CRYBG3: variants seen among roughly 807,000 people sequenced by gnomAD.
CRYBG3 encodes the protein crystallin beta-gamma domain containing 3, also known as very large A-kinase anchor protein.
CRYBG3 carries 127 observed loss-of-function variants against 244.2 expected under a neutral mutation model. The observed-to-expected ratio is 0.52, with a 90% confidence interval of 0.45 to 0.60. CRYBG3 has a LOEUF of 0.60. CRYBG3 is among the 20% of genes least tolerant of loss of function. The pLI is 0.00. For synonymous variants in CRYBG3, 1,132 were observed against 1,195.8 expected, an observed-to-expected ratio of 0.95 and a Z score of 1.10; for missense variants, 3,325 against 3,442.5, an observed-to-expected ratio of 0.97 and a Z score of 0.85.
chr3:97,909,402 G>C, intron 15 of CRYBG3, among the ~76,000 whole-genome samples: 1 of 148,842 alleles, frequency 6.7e-6, no homozygotes. Flanking sequence ...ACATAGATTT[G>C]GTCTTTTCAC....
chr3:97,895,504 G>A (rs553647439), intron 11 of CRYBG3, among the ~76,000 whole-genome samples: 22 of 152,146 alleles, frequency 1.4e-4, no homozygotes, highest in African/African-American at 4.8e-4. Context: ...TGACAGATTC[G>A]CTTTATTTAA....
intron 2 of CRYBG3, among the ~76,000 whole-genome samples, chr3:97,854,800 A>G (rs1474806368): frequency 6.6e-6 from 1 of 152,074 alleles, no homozygotes; most frequent in East Asian, 1.9e-4. Flanking sequence ...TCATCAGCCA[A>G]CAGTGACAGT....
chr3:97,892,678 C>G (rs1362217597), intron 10 of CRYBG3, among the ~76,000 whole-genome samples, 182 bp from the exon 11 acceptor site: 2 of 151,868 alleles, frequency 1.3e-5, no homozygotes, highest in Non-Finnish European at 2.9e-5. Context: ...GATTTTGGTG[C>G]AAAAAATTTT....
intron 2 of CRYBG3, among the ~76,000 whole-genome samples, chr3:97,859,789 T>G (rs968094939): frequency 1.3e-5 from 2 of 152,316 alleles, no homozygotes; most frequent in East Asian, 3.9e-4. Flanking sequence ...TTACAGAATT[T>G]ATAAGGCTTT....
intron 12 of CRYBG3, 40 bp from the exon 13 acceptor site, chr3:97,898,843 A>G (rs2039670153): frequency 6.9e-7 from 1 of 1,441,078 alleles, no homozygotes; most frequent in Non-Finnish European, 9.5e-7. Context: ...ATAAAACAGA[A>G]TATGTATGTT....
At chr3:97,825,459 C>T (rs906337239) in intron 1 of CRYBG3, among the ~76,000 whole-genome samples, 21 of 152,188 alleles carry the variant, frequency 1.4e-4, no homozygotes, top group Non-Finnish European at 2.2e-4. Context: ...TTACTTGCAA[C>T]GTATCATGTA....
chr3:97,881,272 A>G, intron 7 of CRYBG3, 53 bp downstream of exon 7: 7 of 1,306,242 alleles, frequency 5.4e-6, no homozygotes, highest in Non-Finnish European at 7.4e-6. Flanking sequence ...ATCATATAGT[A>G]AACCTGTGCT....
chr3:97,881,093 A>G lies in CRYBG3; in HGVS notation c.7026A>G (p.Pro2342=), dbSNP rs566718262. ...VRGCWILYEK[P]HFRGQKCVLE... ...TTAGCTGGATTTTATATGAGAAACC[A>G]CATTTCCGAGGTCAGAAATGTGTGC... The change falls in exon 7 of 22, where the codon CCA becomes CCG. Residue 2342 remains proline, a synonymous_variant. Transcript: ENST00000389622. 1.0e-5 allele frequency: 16 copies of G among 1,595,574 alleles called. No homozygotes were observed. The highest frequency in any genetic ancestry group is 1.4e-5 in the Non-Finnish European group (16 of 1,174,516).
chr3:97,850,223 T>A (rs1237005814), intron 2 of CRYBG3, among the ~76,000 whole-genome samples: 1 of 152,180 alleles, frequency 6.6e-6, no homozygotes, highest in Non-Finnish European at 1.5e-5. Context: ...CGGCCCTTCC[T>A]TCATACGCAT....
At position 97,877,315 on chromosome 3, in the gene CRYBG3, A is replaced by G. The variant is rs1233506703; in HGVS notation, c.6121A>G (p.Arg2041Gly). The part of the protein sequence containing the change: ...ADSMPVLACE[R>G]SESRTDLVHH... Reference sequence around the variant, plus strand: ...CAGCATGCCTGTTCTGGCATGTGAAAGGTCTGAGAGTAGAACTGACCTTGT... The same window carrying G: ...CAGCATGCCTGTTCTGGCATGTGAAGGGTCTGAGAGTAGAACTGACCTTGT... The change falls in exon 4 of 22, where the codon AGG becomes GGG. Residue 2041 changes from arginine to glycine, a missense_variant. By Grantham distance (125) the Arg-to-Gly change is moderately radical. Transcript: ENST00000389622. The G allele has an allele frequency of 6.2e-7, 1 of 1,613,998 alleles. No individual in the cohort carries two copies. The highest frequency in any genetic ancestry group is 8.5e-7 in the Non-Finnish European group (1 of 1,180,016).
Position 97,941,199 on chromosome 3 carries a change from G to A in CRYBG3, c.8557G>A (p.Val2853Ile), listed in dbSNP as rs2107110846. Residue 2853 changes from valine to isoleucine, a missense_variant, in exon 20 of 22, where the codon GTC becomes ATC. Val to Ile is a conservative substitution (Grantham distance 29, BLOSUM62 3). Coordinates refer to ENST00000389622, the MANE Select transcript of CRYBG3 (RefSeq NM_153605.4). ...CCGTGCCCAGGGTGAATATCTGACA[G>A]TCACTGGAAGTCTAGCAGACACCAG... is the stretch of plus-strand genomic sequence containing the variant. ...KNRAQGEYLT[V>I]TGSLADTRAT... 3.1e-6 allele frequency: 5 copies of A among 1,611,630 alleles called. No homozygotes were observed. The East Asian group carries it at 1.1e-4, about 36-fold the overall frequency.
At position 97,898,951 on chromosome 3, in the gene CRYBG3, A is replaced by C. The variant is rs371839222; in HGVS notation, c.7770A>C (p.Thr2590=). ...DLESGKFIDI[T]NQEISDLEEI... is the part of the protein sequence containing the mutation. ...AAAGTGGGAAGTTTATTGACATTAC[A>C]AATCAGGAAATTTCTGATTTGGAAG... Residue 2590 remains threonine (T), a synonymous_variant, in exon 13 of 22, where the codon ACA becomes ACC. Transcript: ENST00000389622. 3.1e-6 allele frequency: 5 copies of C among 1,612,148 alleles called. No homozygotes were observed. The African/African-American group carries it at 4.0e-5, about 13-fold the overall frequency.
chr3:97,942,286 C>T lies in CRYBG3; in HGVS notation c.8667C>T (p.Ala2889=). The T allele has an allele frequency of 6.2e-7, 1 of 1,604,216 alleles. No homozygotes were observed. Among genetic ancestry groups the T allele is most frequent in the Non-Finnish European group, 8.5e-7 (1 of 1,174,402 alleles). ...TAATCATTTCTTAACCCTTTTAGGC[C>T]AGTGATACATGTCTTGATGTGATTG... ...YYCRGLFKSK[A]SDTCLDVIGG... Residue 2889 remains alanine, a splice_region_variant and synonymous_variant, in exon 21 of 22, where the codon GCC becomes GCT. Coordinates refer to ENST00000389622, the MANE Select transcript of CRYBG3 (RefSeq NM_153605.4).
At chr3:97,851,131 CAAAA>C (rs11393717) in intron 2 of CRYBG3, among the ~76,000 whole-genome samples, 3 of 94,192 alleles carry the variant, frequency 3.2e-5, no homozygotes, top group East Asian at 3.2e-4. Context: ...AGACTGTCTC[CAAAA>C]AAAAAAAAAA....
intron 1 of CRYBG3, among the ~76,000 whole-genome samples, chr3:97,842,897 T>C (rs1461712460): frequency 6.6e-6 from 1 of 152,200 alleles, no homozygotes; most frequent in Non-Finnish European, 1.5e-5. Flanking sequence ...GCCAGTGTTA[T>C]GAAAGTAATA....
chr3:97,884,756 A>G (rs183886423), intron 7 of CRYBG3, among the ~76,000 whole-genome samples: 5 of 152,248 alleles, frequency 3.3e-5, no homozygotes, highest in African/African-American at 9.6e-5. Flanking sequence ...ATCTTTTTCA[A>G]TCAACTAGAG....
At chr3:97,855,719 T>A (rs2039054159) in intron 2 of CRYBG3, among the ~76,000 whole-genome samples, 1 of 152,060 alleles carries the variant, frequency 6.6e-6, no homozygotes, top group Non-Finnish European at 1.5e-5. Flanking sequence ...ACATCACATG[T>A]CGGTAGGTTC....
chr3:97,851,062 G>A (rs1463749767), intron 2 of CRYBG3, among the ~76,000 whole-genome samples: 1 of 151,920 alleles, frequency 6.6e-6, no homozygotes, highest in Non-Finnish European at 1.5e-5. Context: ...GAATCTGGGA[G>A]GTGGAGGTTT....
chr3:97,921,810 C>T (rs1370475049), intron 17 of CRYBG3, among the ~76,000 whole-genome samples: 1 of 152,108 alleles, frequency 6.6e-6, no homozygotes, highest in Non-Finnish European at 1.5e-5. Context: ...AGCGCTGGAC[C>T]AGGAGTGTGT....
Sources: allele counts gnomAD v4.1 joint callset (sites outside exome capture counted in the v4.1 genomes callset), GRCh38; gene constraint gnomAD v4.1.1; transcripts MANE v1.5; gene names NCBI Gene and HGNC (gene_info 2026-07-23, HGNC 2026-07-21).